MACROD1: variants seen among roughly 807,000 people sequenced by gnomAD.
The protein encoded by MACROD1 is mono-ADP ribosylhydrolase 1, also known as ADP-ribose glycohydrolase MACROD1.
MACROD1 carries 31 observed loss-of-function variants against 41.4 expected under a neutral mutation model. The ratio of observed to expected loss-of-function variants is 0.75; its 90% CI spans 0.56 to 1.01. The LOEUF is 1.01. MACROD1 is among the 50% of genes least tolerant of loss of function. The pLI, the probability that MACROD1 is intolerant of heterozygous loss-of-function variation, is 0.00. For synonymous variants in MACROD1, 252 were observed against 203.4 expected, an observed-to-expected ratio of 1.24 and a Z score of -2.03; for missense variants, 473 against 460.0, an observed-to-expected ratio of 1.03 and a Z score of -0.26.
Position 64,064,048 on chromosome 11 carries a change from C to G in MACROD1, c.518-48767G>C, listed in dbSNP as rs1018161909. ...TCTTCACTGGATCTTTGTAGGTTAG[C>G]CAGCTTTGAACAGCGACACCCACAC... On this transcript the variant is annotated intron_variant, in intron 3 of 10. Coordinates refer to ENST00000255681, the MANE Select transcript of MACROD1 (RefSeq NM_014067.4). This position sits in a 1 kb window ranked among gnomAD's most constrained non-coding sequence, Gnocchi z 4.5. Among the ~76,000 whole-genome samples the G allele has an allele frequency of 6.6e-6, 1 of 152,160 alleles. No individual in the cohort carries two copies.
chr11:64,038,315 C>T lies in MACROD1; in HGVS notation c.518-23034G>A, dbSNP rs529647196. Among the ~76,000 whole-genome samples the T allele has an allele frequency of 1.6e-4, 25 of 152,216 alleles. No homozygotes were observed. In the South Asian group the frequency reaches 5.2e-3, roughly 32 times the overall value. Reference sequence around the variant, plus strand: ...GCAGCCTCCCCTCTGGGACCGGCTTCCTTGCCTGCGCAGGGGTTTACAGCA... The same window carrying T: ...GCAGCCTCCCCTCTGGGACCGGCTTTCTTGCCTGCGCAGGGGTTTACAGCA... On this transcript the variant is annotated intron_variant, in intron 3 of 10. Coordinates refer to ENST00000255681, the MANE Select transcript of MACROD1 (RefSeq NM_014067.4).
intron 3 of MACROD1, among the ~76,000 whole-genome samples, chr11:64,150,520 G>A (rs546473506): frequency 2.0e-5 from 3 of 152,262 alleles, no homozygotes; most frequent in East Asian, 1.9e-4. Flanking sequence ...AGGAGCAAGC[G>A]AGCAGGCGGG....
At position 64,066,249 on chromosome 11, in the gene MACROD1, A is replaced by G. The variant is rs1005220464; in HGVS notation, c.518-50968T>C. 2.8e-5 allele frequency among the ~76,000 whole-genome samples: 4 copies of G among 142,438 alleles called. No homozygotes were observed. In the South Asian group the frequency reaches 9.4e-4, roughly 33 times the overall value. The allele number at this position is 142,438 out of a possible 152,430, so 93.4% of individuals were successfully genotyped here. A position where few individuals can be genotyped will look rare whatever the true frequency, so the allele number is the denominator to read the frequency against. ...GAGGCGGAGGTTGCAGTGAGCCAAGATTGTACCACTGCACCCCAGCCTCGG... is the reference window on the plus strand; with the variant it reads ...GAGGCGGAGGTTGCAGTGAGCCAAGGTTGTACCACTGCACCCCAGCCTCGG... On this transcript the variant is annotated intron_variant, in intron 3 of 10. Transcript: ENST00000255681.
chr11:64,080,426 G>GTATT (rs1944283163), intron 3 of MACROD1, among the ~76,000 whole-genome samples: 1 of 152,122 alleles, frequency 6.6e-6, no homozygotes, highest in Non-Finnish European at 1.5e-5. Context: ...TTTTTTGTGT[G>GTATT]TATTTACAAG....
intron 3 of MACROD1, among the ~76,000 whole-genome samples, chr11:64,114,654 A>G (rs901044181): frequency 2.9e-4 from 41 of 140,092 alleles, no homozygotes; most frequent in Non-Finnish European, 2.8e-4. Flanking sequence ...TGGATGGATG[A>G]ATGGACAGGT....
intron 3 of MACROD1, among the ~76,000 whole-genome samples, chr11:64,088,144 T>C (rs1944426912): frequency 6.6e-6 from 1 of 152,166 alleles, no homozygotes; most frequent in African/African-American, 2.4e-5. Context: ...GAAAGTGCTC[T>C]GCAAAAATAA....
chr11:64,047,625 G>A (rs1203314232), intron 3 of MACROD1, among the ~76,000 whole-genome samples: 2 of 152,064 alleles, frequency 1.3e-5, no homozygotes, highest in Non-Finnish European at 2.9e-5. Context: ...GGCCGGGCGC[G>A]GTGGCTTATG....
rs1195542269 is a variant in MACROD1 at position 64,036,236 on chromosome 11, C to G, written c.518-20955G>C. The stretch of plus-strand genomic sequence containing the variant: ...GCGCCAGAGCCGACGGGGCGGGGGC[C>G]GGGGGCCCGGGGGCACCGAAGCGCC... On this transcript the variant is annotated intron_variant, in intron 3 of 10. Transcript: ENST00000255681. The surrounding 1 kb of genome is among the most constrained non-coding windows in gnomAD (Gnocchi z 5.6). 1 of 151,922 alleles carries G rather than the reference C, an allele frequency of 6.6e-6. No homozygotes were observed. Among genetic ancestry groups the G allele is most frequent in the African/African-American group, 2.4e-5 (1 of 41,372 alleles). 9.4% of individuals were successfully genotyped at this position (151,922 alleles called of 1,614,324 possible). A position where few individuals can be genotyped will look rare whatever the true frequency, so the allele number is the denominator to read the frequency against.
rs138986757 is a variant in MACROD1 at position 64,146,856 on chromosome 11, C to G, written c.517+4383G>C. Among the ~76,000 whole-genome samples the G allele has an allele frequency of 2.0e-3, 301 of 151,934 alleles. 2 individuals carry two copies. The highest frequency in any genetic ancestry group is 6.8e-3 in the African/African-American group (283 of 41,414). On this transcript the variant is annotated intron_variant, in intron 3 of 10. Coordinates refer to ENST00000255681, the MANE Select transcript of MACROD1 (RefSeq NM_014067.4). This position sits in a 1 kb window ranked among gnomAD's most constrained non-coding sequence, Gnocchi z 4.7. ...TCACACACACACTCTATCACACACA[C>G]CCCACGCATCACACAAGCACAGACA...
intron 3 of MACROD1, among the ~76,000 whole-genome samples, chr11:64,134,792 T>C (rs1945310539): frequency 6.6e-6 from 1 of 152,246 alleles, no homozygotes; most frequent in Non-Finnish European, 1.5e-5. Flanking sequence ...CCATTTGTTT[T>C]TCTCCTACCG....
At chr11:64,068,451 T>C (rs1217960185) in intron 3 of MACROD1, among the ~76,000 whole-genome samples, 3 of 152,034 alleles carry the variant, frequency 2.0e-5, no homozygotes, top group Non-Finnish European at 4.4e-5. Context: ...AATAAAAGAG[T>C]CTGGGCACGG....
chr11:64,129,782 G>A (rs1292143624), intron 3 of MACROD1, among the ~76,000 whole-genome samples: 1 of 152,214 alleles, frequency 6.6e-6, no homozygotes, highest in Non-Finnish European at 1.5e-5. Context: ...GATTGGGGGT[G>A]GGTGTGGGGG....
intron 1 of MACROD1, among the ~76,000 whole-genome samples, chr11:64,155,612 G>A (rs932253004): frequency 3.9e-5 from 6 of 152,222 alleles, no homozygotes; most frequent in Non-Finnish European, 7.3e-5. Context: ...GCTAAATAAT[G>A]CCCAAAGAGA....
intron 3 of MACROD1, among the ~76,000 whole-genome samples, chr11:64,088,279 G>A (rs1590890115): frequency 6.6e-6 from 1 of 152,332 alleles, no homozygotes; most frequent in South Asian, 2.1e-4. Context: ...CCGTAGCCAG[G>A]AGATGGGGGG....
chr11:64,042,607 G>T (rs1943509352), intron 3 of MACROD1, among the ~76,000 whole-genome samples: 1 of 152,102 alleles, frequency 6.6e-6, no homozygotes, highest in Non-Finnish European at 1.5e-5. Context: ...GGCCTGTGGG[G>T]GTCTTGGAAG....
At chr11:64,072,446 C>T (rs1324324379) in intron 3 of MACROD1, among the ~76,000 whole-genome samples, 1 of 151,966 alleles carries the variant, frequency 6.6e-6, no homozygotes, top group Non-Finnish European at 1.5e-5. Flanking sequence ...ATAATAATTA[C>T]ATAACATTGG....
intron 3 of MACROD1, among the ~76,000 whole-genome samples, chr11:64,085,683 C>T (rs1944381822): frequency 6.6e-6 from 1 of 152,164 alleles, no homozygotes; most frequent in South Asian, 2.1e-4. Flanking sequence ...GGGACGGTCA[C>T]CCACAGACAG....
chr11:64,024,172 CAA>C (rs1943195396), intron 3 of MACROD1, among the ~76,000 whole-genome samples: 1 of 152,238 alleles, frequency 6.6e-6, no homozygotes, highest in South Asian at 2.1e-4. Flanking sequence ...AAGAGAAACG[CAA>C]GTCAGCTGCT....
chr11:64,139,624 G>A (rs1945381416), intron 3 of MACROD1, among the ~76,000 whole-genome samples: 1 of 152,074 alleles, frequency 6.6e-6, no homozygotes, highest in South Asian at 2.1e-4. Flanking sequence ...TCCTATTAAT[G>A]CCCCCATAAG....
Sources: gnomAD v4.1 joint callset for allele counts (sites outside exome capture counted in the v4.1 genomes callset) on GRCh38, gnomAD v4.1.1 for gene constraint, Gnocchi (gnomAD v3.1) non-coding constraint, MANE v1.5 for transcripts, NCBI Gene and HGNC (gene_info 2026-07-23, HGNC 2026-07-21) for gene names.